The following TFCP2L1 variants were observed in gnomAD, a reference collection of about 807,000 sequenced individuals.
TFCP2L1 encodes transcription factor CP2-like protein 1.
Under a neutral mutation model 72.2 loss-of-function variants are expected in TFCP2L1, and 12 were observed. That is an observed-to-expected ratio of 0.17 (90% confidence interval 0.11 to 0.27). The LOEUF is 0.27. Ranked by LOEUF, TFCP2L1 falls within the 10% of genes least tolerant of loss-of-function variation. The pLI is 1.00. For missense variants in TFCP2L1, 488 were observed against 624.6 expected (o/e 0.78, Z 2.33); for synonymous variants, 260 against 251.0 (o/e 1.04, Z -0.34).
intron 7 of TFCP2L1, 115 bp downstream of exon 7, chr2:121,242,244 A>G: frequency 1.2e-6 from 1 of 845,670 alleles, no homozygotes; most frequent in Non-Finnish European, 2.0e-6. Context: ...ACAACAGAAT[A>G]AGCACTCTCA....
chr2:121,264,726 G>C (rs13035310), intron 2 of TFCP2L1, among the ~76,000 whole-genome samples: 15,572 of 152,226 alleles, frequency 0.1, 1,002 homozygotes, highest in Middle Eastern at 0.21. Context: ...GTTCCCGTGC[G>C]CTTCGGGGGC....
Position 121,269,917 on chromosome 2 carries a change from AAAT to A in TFCP2L1, c.214+11200_214+11202del, listed in dbSNP as rs1289350271. 1.4e-3 allele frequency among the ~76,000 whole-genome samples: 146 copies of A among 106,676 alleles called. 2 individuals carry two copies. Among genetic ancestry groups the A allele is most frequent in the Admixed American group, 0.012 (105 of 8,720 alleles). 70.0% of individuals were successfully genotyped at this position (106,676 alleles called of 152,430 possible). The stretch of plus-strand genomic sequence containing the variant: ...GAGCAAGACTCCATCTAAAAAAAAA[AAAT>A]ATATATATATATATATGCAAAAGAA... On this transcript the variant is annotated intron_variant, in intron 2 of 14. Transcript: ENST00000263707.
At chr2:121,237,528 C>T (rs1327191753) in intron 10 of TFCP2L1, 95 bp downstream of exon 10, 21 of 1,376,858 alleles carry the variant, frequency 1.5e-5, no homozygotes, top group East Asian at 9.2e-5. Flanking sequence ...GAAACGACAG[C>T]GCTGCCAGTG....
rs892631673 is a variant in TFCP2L1 at position 121,274,042 on chromosome 2, C to T, written c.214+7078G>A. On this transcript the variant is annotated intron_variant, in intron 2 of 14. Transcript: ENST00000263707. ...CCGGGAGGCAGAGGTTGCAGTGAGCCGAGGTCACACCACTGCAATCCAGCC... is the reference window on the plus strand; with the variant it reads ...CCGGGAGGCAGAGGTTGCAGTGAGCTGAGGTCACACCACTGCAATCCAGCC... Among the ~76,000 whole-genome samples, 6 of 147,326 alleles carry T rather than the reference C, an allele frequency of 4.1e-5. No individual in the cohort carries two copies. The East Asian group carries it at 1.2e-3, about 29-fold the overall frequency.
At chr2:121,234,015 G>T in intron 12 of TFCP2L1, 76 bp downstream of exon 12, 1 of 1,313,926 alleles carries the variant, frequency 7.6e-7, no homozygotes, top group South Asian at 1.2e-5. Context: ...GAAATGAACA[G>T]AGGCCAGACT....
intron 2 of TFCP2L1, among the ~76,000 whole-genome samples, chr2:121,250,182 A>G (rs1017039848): frequency 2.0e-5 from 3 of 152,234 alleles, no homozygotes; most frequent in African/African-American, 4.8e-5. Flanking sequence ...TCAGGGACAT[A>G]TAACTAGCAC....
chr2:121,256,033 GC>G (rs1380633755), intron 2 of TFCP2L1, among the ~76,000 whole-genome samples: 1 of 152,080 alleles, frequency 6.6e-6, no homozygotes. Flanking sequence ...GAGCCACCGT[GC>G]CCGGCCCCCC....
Position 121,218,222 on chromosome 2 carries a change from A to G in TFCP2L1, c.*6119T>C, listed in dbSNP as rs1573346986. ...AGCAAACAAATTTCCACAATTTTTA[A>G]ATTGATAAAATCCAAAATACAATAA... On this transcript the variant is annotated 3_prime_UTR_variant, in exon 15 of 15. Coordinates refer to ENST00000263707, the MANE Select transcript of TFCP2L1 (RefSeq NM_014553.3). The G allele has an allele frequency of 6.6e-6, 1 of 152,372 alleles. No homozygotes were observed. Among genetic ancestry groups the G allele is most frequent in the East Asian group, 1.9e-4 (1 of 5,190 alleles). The allele number at this position is 152,372 out of a possible 1,614,324, so 9.4% of individuals were successfully genotyped here.
At chr2:121,235,846 C>T (rs1052509819) in intron 10 of TFCP2L1, among the ~76,000 whole-genome samples, 4 of 151,952 alleles carry the variant, frequency 2.6e-5, no homozygotes, top group Non-Finnish European at 5.9e-5. Context: ...TCTGAATACA[C>T]CCCAGGACCC....
chr2:121,225,757 A>G, intron 13 of TFCP2L1, 144 bp from the exon 14 acceptor site: 1 of 787,940 alleles, frequency 1.3e-6, no homozygotes. Context: ...GGAACGCGGT[A>G]AACACCACTG....
chr2:121,245,399 T>A (rs892515296), intron 6 of TFCP2L1, among the ~76,000 whole-genome samples: 1 of 152,182 alleles, frequency 6.6e-6, no homozygotes, highest in African/African-American at 2.4e-5. Context: ...GAGTTTTTAG[T>A]CATAAAATTT....
intron 2 of TFCP2L1, among the ~76,000 whole-genome samples, chr2:121,273,007 G>GGATA (rs1156292416): frequency 3.3e-5 from 5 of 152,060 alleles, no homozygotes; most frequent in African/African-American, 1.2e-4. Flanking sequence ...AGGATTCCTG[G>GGATA]GATAGACAGT....
intron 4 of TFCP2L1, 116 bp downstream of exon 4, chr2:121,248,866 G>A (rs1686543969): frequency 1.7e-5 from 13 of 750,298 alleles, no homozygotes; most frequent in Non-Finnish European, 2.5e-5. Context: ...GTTTTACACA[G>A]AGCAGGTGCA....
intron 2 of TFCP2L1, among the ~76,000 whole-genome samples, chr2:121,280,146 C>T (rs1217724213): frequency 1.3e-5 from 2 of 151,988 alleles, no homozygotes; most frequent in Non-Finnish European, 2.9e-5. Context: ...CTTTTAAACT[C>T]CACAAAATTA....
chr2:121,265,365 G>A (rs930304303), intron 2 of TFCP2L1, among the ~76,000 whole-genome samples: 1 of 152,134 alleles, frequency 6.6e-6, no homozygotes, highest in Non-Finnish European at 1.5e-5. Flanking sequence ...TCTAAGAAGG[G>A]ACAAAAATGT....
At position 121,237,845 on chromosome 2, in the gene TFCP2L1, G is replaced by T; in HGVS notation, c.866C>A (p.Ala289Asp). The change falls in exon 9 of 15, where the codon GCC (alanine) becomes GAC (aspartate). Residue 289 changes from alanine (A) to aspartate (D), a missense_variant. This residue lies in a region of TFCP2L1 where 286 missense variants were observed against 329.0 expected (regional missense o/e 0.87). Transcript: ENST00000263707. Reference sequence around the variant, plus strand: ...GGCCTCCACCGGGTGGGTCGGAGAGGCGTTGCTGCAAGGAAAAGGAACCAG... The same window carrying T: ...GGCCTCCACCGGGTGGGTCGGAGAGTCGTTGCTGCAAGGAAAAGGAACCAG... ...PNSFGLGEGN[A>D]SPTHPVEALP... The T allele has an allele frequency of 6.2e-7, 1 of 1,614,088 alleles. No individual in the cohort carries two copies. The highest frequency in any genetic ancestry group is 1.3e-5 in the African/African-American group (1 of 75,060).
At chr2:121,238,673 C>T (rs868140423) in intron 8 of TFCP2L1, among the ~76,000 whole-genome samples, 21 of 152,144 alleles carry the variant, frequency 1.4e-4, no homozygotes, top group East Asian at 1.2e-3. Flanking sequence ...TTGTTCCTCC[C>T]GACCCTGTGT....
chr2:121,268,025 TTGCTTGA>T (rs1182852787), intron 2 of TFCP2L1, among the ~76,000 whole-genome samples: 2 of 152,164 alleles, frequency 1.3e-5, no homozygotes, highest in African/African-American at 4.8e-5. Flanking sequence ...AGGCTAAAGA[TTGCTTGA>T]GCCCAGGAAT....
chr2:121,277,023 T>G (rs1240449800), intron 2 of TFCP2L1, among the ~76,000 whole-genome samples: 1 of 151,296 alleles, frequency 6.6e-6, no homozygotes, highest in Non-Finnish European at 1.5e-5. Flanking sequence ...CCTGCAACCA[T>G]CAGAGAAAAA....
Sources: allele counts gnomAD v4.1 joint callset (sites outside exome capture counted in the v4.1 genomes callset), GRCh38; gene constraint gnomAD v4.1.1; regional missense constraint gnomAD v4.1.1; transcripts MANE v1.5; gene names NCBI Gene and HGNC (gene_info 2026-07-23, HGNC 2026-07-21).